PTPRN2: variants seen among roughly 807,000 people sequenced by gnomAD.
The protein encoded by PTPRN2 is receptor-type tyrosine-protein phosphatase N2.
A neutral mutation model predicts 118.8 loss-of-function variants in PTPRN2; 74 were observed. The ratio of observed to expected loss-of-function variants is 0.62; its 90% CI spans 0.52 to 0.76. The LOEUF (loss-of-function observed/expected upper bound fraction) is 0.76, where lower values mean the gene tolerates loss of function less well. Ranked by LOEUF, PTPRN2 falls within the 30% of genes least tolerant of loss-of-function variation. PTPRN2 has a pLI of 0.00. For synonymous variants in PTPRN2, 641 were observed against 608.0 expected (o/e 1.05, Z -0.80); for missense variants, 1,481 against 1,394.4 (o/e 1.06, Z -0.99).
chr7:158,530,921 G>A (rs1368125538), intron 1 of PTPRN2, among the ~76,000 whole-genome samples: 1 of 152,188 alleles, frequency 6.6e-6, no homozygotes, highest in Admixed American at 6.5e-5. Flanking sequence ...TAGTGATCAA[G>A]TGCCCTCAAA....
chr7:158,469,531 T>C lies in PTPRN2; in HGVS notation c.163+20204A>G, dbSNP rs151318973. ...GTGGGTCTAGTTCTTTTGCATCTTT[T>C]TAAAGAAAGAAGAAGCAAAATCCCA... On this transcript the variant is annotated intron_variant, in intron 2 of 22. Coordinates refer to ENST00000389418, the MANE Select transcript of PTPRN2 (RefSeq NM_002847.5). Among the ~76,000 whole-genome samples, 1,243 of 152,286 alleles carry C rather than the reference T, an allele frequency of 8.2e-3. 6 individuals carry two copies. Among genetic ancestry groups the C allele is most frequent in the Non-Finnish European group, 0.012 (831 of 68,038 alleles).
At chr7:158,372,079 C>T (rs7810678) in intron 2 of PTPRN2, among the ~76,000 whole-genome samples, 120,032 of 152,056 alleles carry the variant, frequency 0.79, 48,040 homozygotes, top group East Asian at 0.99. Flanking sequence ...GGATGAGCAC[C>T]TCTGGCTGAG....
At chr7:157,556,187 C>T (rs1420759748) in intron 21 of PTPRN2, among the ~76,000 whole-genome samples, 2 of 152,298 alleles carry the variant, frequency 1.3e-5, no homozygotes, top group East Asian at 1.9e-4. Context: ...GCACTGACTA[C>T]ACACTACACG....
chr7:158,131,149 C>CAAAG (rs56332004), intron 9 of PTPRN2, among the ~76,000 whole-genome samples: 99,879 of 150,786 alleles, frequency 0.66, 33,862 homozygotes, highest in African/African-American at 0.82. Flanking sequence ...CATACACACA[C>CAAAG]AAATACCCGA....
chr7:158,331,244 C>T (rs1243511876), intron 2 of PTPRN2, among the ~76,000 whole-genome samples: 32 of 149,324 alleles, frequency 2.1e-4, no homozygotes, highest in Admixed American at 5.3e-4. Context: ...GCAGACGTCA[C>T]TCACACCCAC....
chr7:157,639,201 T>A (rs1233813762), intron 14 of PTPRN2, among the ~76,000 whole-genome samples: 1 of 152,110 alleles, frequency 6.6e-6, no homozygotes, highest in Non-Finnish European at 1.5e-5. Context: ...CAAATCTAGC[T>A]AAGTTTTGTA....
chr7:158,514,138 A>G (rs1227669305), intron 1 of PTPRN2, among the ~76,000 whole-genome samples: 1 of 152,198 alleles, frequency 6.6e-6, no homozygotes, highest in South Asian at 2.1e-4. Context: ...TCCAGGACTG[A>G]CATAGAAGGA....
chr7:157,808,211 G>A lies in PTPRN2; in HGVS notation c.1788+90462C>T, dbSNP rs184063689. Among the ~76,000 whole-genome samples, 881 of 152,100 alleles carry A rather than the reference G, an allele frequency of 5.8e-3. 6 individuals carry two copies. The highest frequency in any genetic ancestry group is 0.02 in the African/African-American group (821 of 41,432). ...TGGGTGAGTGAGCTGTTGAGTGGCC[G>A]GTGAGTGGTGGGTGAGTGAGCAGGT... On this transcript the variant is annotated intron_variant, in intron 12 of 22. Coordinates refer to ENST00000389418, the MANE Select transcript of PTPRN2 (RefSeq NM_002847.5). This position sits in a 1 kb window ranked among gnomAD's most constrained non-coding sequence, Gnocchi z 5.0.
intron 6 of PTPRN2, among the ~76,000 whole-genome samples, chr7:158,159,905 C>T (rs1563536562): frequency 6.8e-6 from 1 of 147,900 alleles, no homozygotes; most frequent in African/African-American, 2.5e-5. Context: ...TCAAAAGATA[C>T]AGTCCCAATT....
At chr7:158,576,252 C>A (rs1054052508) in intron 1 of PTPRN2, among the ~76,000 whole-genome samples, 1 of 152,194 alleles carries the variant, frequency 6.6e-6, no homozygotes, top group East Asian at 1.9e-4. Context: ...TGCACAGCAA[C>A]CCTGTCAGGC....
chr7:157,780,382 G>T lies in PTPRN2; in HGVS notation c.1789-97445C>A, dbSNP rs1012492110. 6.6e-6 allele frequency among the ~76,000 whole-genome samples: 1 copy of T among 152,206 alleles called. No individual in the cohort carries two copies. Among genetic ancestry groups the T allele is most frequent in the African/African-American group, 2.4e-5 (1 of 41,458 alleles). ...AGCCATATCTGTCAGTTTATATAAG[G>T]GGTGGCGGCTGCTCAGCGAGGCCTC... On this transcript the variant is annotated intron_variant, in intron 12 of 22. Coordinates refer to ENST00000389418, the MANE Select transcript of PTPRN2 (RefSeq NM_002847.5). This position sits in a 1 kb window ranked among gnomAD's most constrained non-coding sequence, Gnocchi z 4.5.
intron 2 of PTPRN2, among the ~76,000 whole-genome samples, chr7:158,434,845 C>T (rs1159393147): frequency 6.6e-6 from 1 of 152,044 alleles, no homozygotes; most frequent in Non-Finnish European, 1.5e-5. Flanking sequence ...CTTGATTTAT[C>T]ATGGTGCAAC....
chr7:157,697,577 TGGCAG>T (rs1797857168), intron 12 of PTPRN2, among the ~76,000 whole-genome samples: 3 of 141,740 alleles, frequency 2.1e-5, no homozygotes, highest in Admixed American at 6.9e-5. Context: ...TACTGGGTCT[TGGCAG>T]AGCCCTCACC....
Position 158,344,661 on chromosome 7 carries a change from G to C in PTPRN2, c.164-27729C>G, listed in dbSNP as rs371314175. On this transcript the variant is annotated intron_variant, in intron 2 of 22. Transcript: ENST00000389418. Reference sequence around the variant, plus strand: ...GTCCCACACGTAACCCACCAAGAAAGAACAAGTGAGGCTGTGTTGCTGGAG... The same window carrying C: ...GTCCCACACGTAACCCACCAAGAAACAACAAGTGAGGCTGTGTTGCTGGAG... Among the ~76,000 whole-genome samples the C allele has an allele frequency of 3.5e-4, 54 of 152,218 alleles. No homozygotes were observed. The South Asian group carries it at 0.011, about 31-fold the overall frequency.
At chr7:158,209,414 G>C (rs1033299514) in intron 3 of PTPRN2, among the ~76,000 whole-genome samples, 1 of 152,124 alleles carries the variant, frequency 6.6e-6, no homozygotes, top group Non-Finnish European at 1.5e-5. Flanking sequence ...ACTTGTATCA[G>C]ACAAAATAGA....
At chr7:158,560,249 C>T (rs570409519) in intron 1 of PTPRN2, among the ~76,000 whole-genome samples, 43 of 152,350 alleles carry the variant, frequency 2.8e-4, no homozygotes, top group Non-Finnish European at 4.7e-4. Context: ...TTCTAACCTT[C>T]GGTTATTGTG....
intron 3 of PTPRN2, among the ~76,000 whole-genome samples, chr7:158,231,206 G>T (rs1377490280): frequency 6.6e-6 from 1 of 152,164 alleles, no homozygotes; most frequent in African/African-American, 2.4e-5. Flanking sequence ...GGTCAAGCCT[G>T]CAGTGAGCCA....
chr7:158,357,654 C>T (rs1586442165), intron 2 of PTPRN2, among the ~76,000 whole-genome samples: 1 of 152,222 alleles, frequency 6.6e-6, no homozygotes, highest in Admixed American at 6.5e-5. Context: ...TCTGTGCAGC[C>T]GTCAGCCATC....
intron 12 of PTPRN2, among the ~76,000 whole-genome samples, chr7:157,883,192 C>T (rs1242950128): frequency 6.6e-6 from 1 of 151,434 alleles, no homozygotes; most frequent in Non-Finnish European, 1.5e-5. Context: ...AACACATCAC[C>T]CCAAAAATGA....
Sources: gnomAD v4.1 joint callset for allele counts (sites outside exome capture counted in the v4.1 genomes callset) on GRCh38, gnomAD v4.1.1 for gene constraint, Gnocchi (gnomAD v3.1) non-coding constraint, MANE v1.5 for transcripts, NCBI Gene and HGNC (gene_info 2026-07-23, HGNC 2026-07-21) for gene names.